DNAH14: variants seen among roughly 807,000 people sequenced by gnomAD.
DNAH14 encodes axonemal beta dynein heavy chain 14.
In DNAH14, 478 loss-of-function variants were observed where a neutral mutation model predicts 520.9. That is an observed-to-expected ratio of 0.92 (90% confidence interval 0.85 to 0.99). The LOEUF is 0.99. DNAH14 is among the 50% of genes least tolerant of loss of function. The pLI is 0.00. For missense variants in DNAH14, 4,831 were observed against 5,234.5 expected, an observed-to-expected ratio of 0.92 and a Z score of 2.38; for synonymous variants, 1,581 against 1,757.2, an observed-to-expected ratio of 0.90 and a Z score of 2.51.
chr1:225,011,838 G>A (rs1283656003), intron 10 of DNAH14, among the ~76,000 whole-genome samples: 3 of 125,018 alleles, frequency 2.4e-5, no homozygotes, highest in Non-Finnish European at 3.1e-5. Context: ...TTGAGCCTAT[G>A]TGTGTCTTTG....
chr1:225,359,565 T>C (rs531154236), intron 74 of DNAH14, among the ~76,000 whole-genome samples: 1 of 152,228 alleles, frequency 6.6e-6, no homozygotes, highest in African/African-American at 2.4e-5. Context: ...TTAGAATTCA[T>C]CATTTCAAAC....
chr1:224,974,411 GGAA>G (rs1433526185), intron 8 of DNAH14, among the ~76,000 whole-genome samples: 1 of 152,094 alleles, frequency 6.6e-6, no homozygotes, highest in Non-Finnish European at 1.5e-5. Flanking sequence ...CTTGCTTCCA[GGAA>G]GAAGAATAAT....
intron 58 of DNAH14, among the ~76,000 whole-genome samples, chr1:225,306,385 G>T (rs998009949): frequency 2.6e-5 from 4 of 152,168 alleles, no homozygotes; most frequent in African/African-American, 7.2e-5. Context: ...GGGGTCAGCA[G>T]ATCCTAGGAG....
At chr1:225,217,245 G>C (rs2089480102) in intron 41 of DNAH14, among the ~76,000 whole-genome samples, 1 of 152,312 alleles carries the variant, frequency 6.6e-6, no homozygotes, top group African/African-American at 2.4e-5. Context: ...AAATGTTGCT[G>C]TGTGATCCTT....
At chr1:225,277,743 C>G (rs150347265) in intron 54 of DNAH14, among the ~76,000 whole-genome samples, 1 of 152,230 alleles carries the variant, frequency 6.6e-6, no homozygotes, top group African/African-American at 2.4e-5. Context: ...TTCTAGTGTT[C>G]GCAGCATTAA....
chr1:225,398,910 T>C, intron 85 of DNAH14, 144 bp from the exon 86 acceptor site: 1 of 839,912 alleles, frequency 1.2e-6, no homozygotes, highest in Admixed American at 2.9e-5. Context: ...CCAGGTATAA[T>C]TTCCACATGC....
intron 10 of DNAH14, among the ~76,000 whole-genome samples, chr1:225,009,100 CTCTT>C (rs1235472952): frequency 6.6e-6 from 1 of 152,120 alleles, no homozygotes; most frequent in Non-Finnish European, 1.5e-5. Flanking sequence ...TGTGCAGAAG[CTCTT>C]TAGTTTAATT....
intron 17 of DNAH14, among the ~76,000 whole-genome samples, chr1:225,059,070 C>T (rs1479118768): frequency 6.6e-6 from 1 of 152,196 alleles, no homozygotes; most frequent in Non-Finnish European, 1.5e-5. Context: ...AGTTCAATTG[C>T]TGGATATCCT....
At chr1:225,283,995 C>T (rs2093683351) in intron 54 of DNAH14, among the ~76,000 whole-genome samples, 1 of 152,000 alleles carries the variant, frequency 6.6e-6, no homozygotes, top group Non-Finnish European at 1.5e-5. Flanking sequence ...CAAACAAAAA[C>T]ATAATATAAA....
At chr1:225,126,883 G>T (rs1338247723) in intron 27 of DNAH14, among the ~76,000 whole-genome samples, 1 of 151,724 alleles carries the variant, frequency 6.6e-6, no homozygotes, top group Non-Finnish European at 1.5e-5. Flanking sequence ...CTTTGAATGT[G>T]TCCCAGAGAT....
rs562958422 is a variant in DNAH14 at position 225,368,067 on chromosome 1, G to A, written c.12318+35G>A. The A allele has an allele frequency of 3.4e-6, 5 of 1,477,204 alleles. No homozygotes were observed. In the African/African-American group the frequency reaches 4.2e-5, roughly 13 times the overall value. The allele number at this position is 1,477,204 out of a possible 1,614,324, so 91.5% of individuals were successfully genotyped here. A position where few individuals can be genotyped will look rare whatever the true frequency, so the allele number is the denominator to read the frequency against. On this transcript the variant is annotated intron_variant, in intron 77 of 85. Transcript: ENST00000682510. The stretch of plus-strand genomic sequence containing the variant: ...GTCTCTTCAAACAAACAACAAATAA[G>A]TAACAATAAGATACAAATTGAGAGC...
intron 1 of DNAH14, among the ~76,000 whole-genome samples, chr1:224,952,405 A>G (rs924261366): frequency 6.6e-6 from 1 of 152,254 alleles, no homozygotes; most frequent in Non-Finnish European, 1.5e-5. Flanking sequence ...GTAAGCTAAA[A>G]TTGTATGTAC....
At position 225,398,646 on chromosome 1, in the gene DNAH14, A is replaced by G. The variant is rs1327918756; in HGVS notation, c.13618A>G (p.Ile4540Val). Residue 4540 changes from isoleucine (I) to valine (V), a missense_variant, in exon 85 of 86, where the codon ATA (isoleucine) becomes GTA (valine). Ile to Val is a conservative substitution (Grantham distance 29, BLOSUM62 3). Transcript: ENST00000682510. ...PLEMCCDFPD[I>V]YFLPTKISTK... ...GGAGATGTGCTGTGATTTTCCCGAC[A>G]TATACTTTTTGCCAACAAAGGTAAT... is the stretch of plus-strand genomic sequence containing the variant. 9.7e-6 allele frequency: 15 copies of G among 1,551,524 alleles called. No individual in the cohort carries two copies. The highest frequency in any genetic ancestry group is 1.2e-5 in the Non-Finnish European group (14 of 1,146,912).
At chr1:225,076,609 C>G (rs1354691449) in intron 17 of DNAH14, among the ~76,000 whole-genome samples, 1 of 152,002 alleles carries the variant, frequency 6.6e-6, no homozygotes, top group Non-Finnish European at 1.5e-5. Flanking sequence ...ACACTATGAA[C>G]CAAATTTCTA....
chr1:224,957,703 A>G (rs2060600311), intron 3 of DNAH14, among the ~76,000 whole-genome samples: 1 of 152,160 alleles, frequency 6.6e-6, no homozygotes, highest in Non-Finnish European at 1.5e-5. Flanking sequence ...GGTAAGTAAC[A>G]TGAGGACTAG....
chr1:225,336,046 C>T (rs61850030), intron 66 of DNAH14, among the ~76,000 whole-genome samples: 64 of 141,554 alleles, frequency 4.5e-4, no homozygotes, highest in East Asian at 1.3e-3. Context: ...CACATATATG[C>T]ATATATACAT....
intron 33 of DNAH14, 77 bp downstream of exon 33, chr1:225,152,960 T>G: frequency 2.8e-6 from 4 of 1,434,328 alleles, no homozygotes; most frequent in Non-Finnish European, 3.8e-6. Context: ...TCTGGATTGG[T>G]CCAGGGATGA....
At chr1:225,024,032 C>G in intron 11 of DNAH14, 167 bp downstream of exon 11, 2 of 1,336,144 alleles carry the variant, frequency 1.5e-6, no homozygotes, top group Non-Finnish European at 1.9e-6. Context: ...TTTGGTAATA[C>G]CTTACTTAAT....
intron 65 of DNAH14, among the ~76,000 whole-genome samples, chr1:225,332,056 T>G (rs978843534): frequency 1.3e-5 from 2 of 152,022 alleles, no homozygotes; most frequent in Non-Finnish European, 2.9e-5. Context: ...ATAAAGAACA[T>G]TTTATTTTGT....
Sources: allele counts gnomAD v4.1 joint callset (sites outside exome capture counted in the v4.1 genomes callset), GRCh38; gene constraint gnomAD v4.1.1; transcripts MANE v1.5; gene names NCBI Gene and HGNC (gene_info 2026-07-23, HGNC 2026-07-21).